The following ATP8B1 variants were observed in gnomAD, a reference collection of about 807,000 sequenced individuals.
The protein encoded by ATP8B1 is ATPase phospholipid transporting 8B1.
Under a neutral mutation model 149.9 loss-of-function variants are expected in ATP8B1, and 80 were observed. The ratio of observed to expected loss-of-function variants is 0.53; its 90% CI spans 0.45 to 0.64. ATP8B1 has a LOEUF of 0.64. Among genes scored for constraint, ATP8B1 ranks in the 30% least tolerant of loss-of-function variants. The probability of loss-of-function intolerance (pLI) is 0.00; values close to 1 mark genes in which losing one functional copy is unlikely to be tolerated. For synonymous variants in ATP8B1, 536 were observed against 562.8 expected (o/e 0.95, Z 0.67); for missense variants, 1,247 against 1,552.6 (o/e 0.80, Z 3.31).
intron 16 of ATP8B1, 22 bp from the exon 17 acceptor site, chr18:57,671,602 A>C (rs1408897387): frequency 6.5e-7 from 1 of 1,532,208 alleles, no homozygotes; most frequent in Non-Finnish European, 9.0e-7. Context: ...AGAAGGAAAT[A>C]AACACAACAA....
chr18:57,698,185 C>A (rs1057402083), intron 6 of ATP8B1, among the ~76,000 whole-genome samples: 3 of 152,148 alleles, frequency 2.0e-5, no homozygotes, highest in Non-Finnish European at 4.4e-5. Flanking sequence ...CAACTTGCCT[C>A]CCTGCTGTGT....
At chr18:57,662,699 T>C (rs1329420526) in intron 20 of ATP8B1, 84 bp from the exon 21 acceptor site, 2 of 1,482,488 alleles carry the variant, frequency 1.3e-6, no homozygotes, top group African/African-American at 1.4e-5. Flanking sequence ...TTAAAAAAAA[T>C]TGTGACAAAA....
intron 1 of ATP8B1, among the ~76,000 whole-genome samples, chr18:57,796,414 G>C (rs568622176): frequency 2.6e-5 from 4 of 152,272 alleles, no homozygotes; most frequent in African/African-American, 9.6e-5. Flanking sequence ...GGGAGACTAA[G>C]GCGAGAATCA....
chr18:57,650,762 G>A (rs535685327), intron 26 of ATP8B1, among the ~76,000 whole-genome samples: 3 of 152,164 alleles, frequency 2.0e-5, no homozygotes, highest in Admixed American at 6.6e-5. Flanking sequence ...GCTTGAACCC[G>A]GAAGGCGGAA....
chr18:57,732,371 A>G (rs1352975572), intron 1 of ATP8B1, among the ~76,000 whole-genome samples: 9 of 147,252 alleles, frequency 6.1e-5, no homozygotes, highest in Admixed American at 2.1e-4. Flanking sequence ...ATATGTATAT[A>G]TATATTCAAG....
At chr18:57,672,988 A>AATATATGTATATATATAAAT (rs1911355241) in intron 16 of ATP8B1, among the ~76,000 whole-genome samples, 1 of 36,592 alleles carries the variant, frequency 2.7e-5, no homozygotes, top group South Asian at 8.4e-4. Context: ...CACATATATA[A>AATATATGTATATATATAAAT]ATACATGTAT....
intron 1 of ATP8B1, among the ~76,000 whole-genome samples, chr18:57,772,559 C>T (rs938211936): frequency 3.3e-5 from 5 of 152,092 alleles, no homozygotes; most frequent in Admixed American, 6.6e-5. Flanking sequence ...TGGGTGCTAG[C>T]GGCATTTGGA....
At chr18:57,696,188 G>T (rs1912798124) in intron 8 of ATP8B1, among the ~76,000 whole-genome samples, 1 of 152,156 alleles carries the variant, frequency 6.6e-6, no homozygotes, top group African/African-American at 2.4e-5. Flanking sequence ...TTCTGTTCTG[G>T]CAGGGCATGT....
Position 57,701,247 on chromosome 18 carries a change from C to T in ATP8B1, c.460G>A (p.Val154Ile), listed in dbSNP as rs755666127. 43 of 1,614,190 alleles carry T rather than the reference C, an allele frequency of 2.7e-5. No individual in the cohort carries two copies. Among genetic ancestry groups the T allele is most frequent in the Admixed American group, 8.3e-5 (5 of 60,014 alleles). ...TCCACCAGGTCTTTGATTGCAGTGA[C>T]GCCCAGCACCACAAGCAGGGGCACT... ...TLVPLLVVLGVTAIKDLVDDV... is the reference protein window; with the variant it reads ...TLVPLLVVLGITAIKDLVDDV... The change falls in exon 5 of 28, where the codon GTC (valine) becomes ATC (isoleucine). Residue 154 changes from valine to isoleucine, a missense_variant. By Grantham distance (29) the Val-to-Ile change is conservative. Coordinates refer to ENST00000648908, the MANE Select transcript of ATP8B1 (RefSeq NM_001374385.1).
intron 1 of ATP8B1, among the ~76,000 whole-genome samples, chr18:57,763,967 C>T (rs2080181851): frequency 2.6e-5 from 4 of 152,300 alleles, no homozygotes; most frequent in South Asian, 2.1e-4. Flanking sequence ...TCACATGCTT[C>T]GTTCATGGGA....
intron 1 of ATP8B1, among the ~76,000 whole-genome samples, chr18:57,758,062 T>G (rs2080102771): frequency 6.6e-6 from 1 of 152,134 alleles, no homozygotes; most frequent in African/African-American, 2.4e-5. Context: ...CAGACTGGTC[T>G]TAGGCGGGAG....
At position 57,668,223 on chromosome 18, in the gene ATP8B1, A is replaced by G. The variant is rs1382605097; in HGVS notation, c.2209+206T>C. 4 of 1,435,702 alleles carry G rather than the reference A, an allele frequency of 2.8e-6. No homozygotes were observed. The South Asian group carries it at 5.1e-5, about 18-fold the overall frequency. The allele number at this position is 1,435,702 out of a possible 1,614,324, so 88.9% of individuals were successfully genotyped here. The stretch of plus-strand genomic sequence containing the variant: ...ATGGCCAGGAGCTAAATTATAAGGA[A>G]GAAACTGCTACTGAGGGGGATCAGG... On this transcript the variant is annotated intron_variant, in intron 19 of 27. Coordinates refer to ENST00000648908, the MANE Select transcript of ATP8B1 (RefSeq NM_001374385.1).
intron 1 of ATP8B1, among the ~76,000 whole-genome samples, chr18:57,751,238 C>G (rs2080015151): frequency 6.6e-6 from 1 of 151,862 alleles, no homozygotes; most frequent in East Asian, 1.9e-4. Context: ...CACCTGTAAC[C>G]CAGTACTTTG....
In ATP8B1 at chr18:57,674,972, C is replaced by T. The variant is rs372806297; in HGVS notation, c.1681G>A (p.Ala561Thr). Residue 561 changes from alanine to threonine, a missense_variant, in exon 16 of 28, where the codon GCT becomes ACT. Ala to Thr is a moderately conservative substitution (Grantham distance 58). Coordinates refer to ENST00000648908, the MANE Select transcript of ATP8B1 (RefSeq NM_001374385.1). Reference protein sequence around the residue: ...ASPDEGALVNAARNFGFAFLA... With the variant: ...ASPDEGALVNTARNFGFAFLA... Reference sequence around the variant, plus strand: ...AAGGCAAAGCCAAAGTTCCTGGCAGCGTTTACCAGGGCACCTTCATCGGGA... The same window carrying T: ...AAGGCAAAGCCAAAGTTCCTGGCAGTGTTTACCAGGGCACCTTCATCGGGA... The T allele has an allele frequency of 2.8e-5, 45 of 1,614,092 alleles. No individual in the cohort carries two copies. The East Asian group carries it at 4.5e-4, about 16-fold the overall frequency.
At chr18:57,719,934 G>C (rs998585589) in intron 2 of ATP8B1, among the ~76,000 whole-genome samples, 10 of 152,308 alleles carry the variant, frequency 6.6e-5, no homozygotes, top group Admixed American at 3.3e-4. Context: ...GTGGGTCCCT[G>C]ACCCCTGACC....
At chr18:57,680,524 C>T (rs62092572) in intron 15 of ATP8B1, among the ~76,000 whole-genome samples, 14,415 of 150,842 alleles carry the variant, frequency 0.096, 938 homozygotes, top group Non-Finnish European at 0.13. Flanking sequence ...ACGGAGGTTG[C>T]AGTGAGCCGA....
At chr18:57,660,786 G>A (rs888903405) in intron 22 of ATP8B1, among the ~76,000 whole-genome samples, 4 of 152,058 alleles carry the variant, frequency 2.6e-5, no homozygotes, top group African/African-American at 9.7e-5. Context: ...CAAAATGCTG[G>A]GATTATAGGC....
At chr18:57,693,008 G>A in intron 11 of ATP8B1, among the ~76,000 whole-genome samples, 1 of 152,130 alleles carries the variant, frequency 6.6e-6, no homozygotes, top group East Asian at 1.9e-4. Flanking sequence ...TCACAACTTT[G>A]TCGTGGAAAG....
At position 57,727,254 on chromosome 18, in the gene ATP8B1, G is replaced by A. The variant is rs1006024380; in HGVS notation, c.181+4373C>T. Among the ~76,000 whole-genome samples the A allele has an allele frequency of 3.3e-5, 5 of 152,156 alleles. No homozygotes were observed. In the South Asian group the frequency reaches 8.3e-4, roughly 25 times the overall value. ...TGGAGGTGGATGGTAATTTACAACC[G>A]ATCAGAGAAAGAAAGAAAATAAGTA... On this transcript the variant is annotated intron_variant, in intron 2 of 27. Coordinates refer to ENST00000648908, the MANE Select transcript of ATP8B1 (RefSeq NM_001374385.1).
Sources: gnomAD v4.1 joint callset for allele counts (sites outside exome capture counted in the v4.1 genomes callset) on GRCh38, gnomAD v4.1.1 for gene constraint, MANE v1.5 for transcripts, NCBI Gene and HGNC (gene_info 2026-07-23, HGNC 2026-07-21) for gene names.